RALGAPA1: variants seen among roughly 807,000 people sequenced by gnomAD.
The protein encoded by RALGAPA1 is ral GTPase-activating protein subunit alpha-1.
Under a neutral mutation model 269.6 loss-of-function variants are expected in RALGAPA1, and 52 were observed. That is an observed-to-expected ratio of 0.19 (90% CI 0.15 to 0.24). The LOEUF (loss-of-function observed/expected upper bound fraction) is 0.24. Among genes scored for constraint, RALGAPA1 ranks in the 10% least tolerant of loss-of-function variants. The probability of loss-of-function intolerance (pLI) is 1.00; values close to 1 mark genes in which losing one functional copy is unlikely to be tolerated. For synonymous variants in RALGAPA1, 817 were observed against 1,008.3 expected, an observed-to-expected ratio of 0.81 and a Z score of 3.60; for missense variants, 1,917 against 3,013.9, an observed-to-expected ratio of 0.64 and a Z score of 8.52.
chr14:35,744,487 T>C (rs2071865426), intron 10 of RALGAPA1, among the ~76,000 whole-genome samples: 1 of 152,136 alleles, frequency 6.6e-6, no homozygotes, highest in African/African-American at 2.4e-5. Context: ...CTTTCTATTA[T>C]AGAGTTATCA....
At chr14:35,637,827 GA>G (rs1380324604) in intron 31 of RALGAPA1, among the ~76,000 whole-genome samples, 2 of 151,998 alleles carry the variant, frequency 1.3e-5, no homozygotes, top group African/African-American at 4.8e-5. Context: ...CAAGATAAAA[GA>G]AACAAATAAC....
chr14:35,586,010 G>T (rs961130159), intron 37 of RALGAPA1, among the ~76,000 whole-genome samples: 22 of 152,160 alleles, frequency 1.4e-4, no homozygotes, highest in Non-Finnish European at 2.6e-4. Flanking sequence ...TAGCTTGATG[G>T]GGATGGCATT....
chr14:35,768,308 T>C (rs967906151), intron 4 of RALGAPA1, among the ~76,000 whole-genome samples: 2 of 152,220 alleles, frequency 1.3e-5, no homozygotes, highest in Admixed American at 6.5e-5. Context: ...CTCAAACTCC[T>C]GGCCTCAAGT....
chr14:35,698,760 GA>G (rs1382300967), intron 17 of RALGAPA1, among the ~76,000 whole-genome samples: 1 of 152,064 alleles, frequency 6.6e-6, no homozygotes, highest in Non-Finnish European at 1.5e-5. Context: ...TCAGTTTTAA[GA>G]ACAGAAACAT....
At chr14:35,543,675 C>G (rs2054209461) in intron 41 of RALGAPA1, among the ~76,000 whole-genome samples, 1 of 152,178 alleles carries the variant, frequency 6.6e-6, no homozygotes, top group African/African-American at 2.4e-5. Flanking sequence ...GGGAGTCTCA[C>G]TCTGTTACCC....
intron 36 of RALGAPA1, among the ~76,000 whole-genome samples, chr14:35,600,193 G>A (rs1186624466): frequency 7.2e-6 from 1 of 139,564 alleles, no homozygotes; most frequent in Non-Finnish European, 1.6e-5. Context: ...ATTATTTTTA[G>A]GTTTCTTTTC....
chr14:35,650,633 A>G (rs1036836826), intron 31 of RALGAPA1, among the ~76,000 whole-genome samples: 1 of 152,188 alleles, frequency 6.6e-6, no homozygotes. Flanking sequence ...CACACAAGAA[A>G]ATAACTGGGA....
At chr14:35,695,019 G>A (rs1490216456) in intron 17 of RALGAPA1, among the ~76,000 whole-genome samples, 1 of 152,150 alleles carries the variant, frequency 6.6e-6, no homozygotes, top group Non-Finnish European at 1.5e-5. Context: ...AGTGGAGGTT[G>A]CAGTGAGCCA....
At chr14:35,570,890 T>TTCTGTGATGTA (rs1213171135) in intron 38 of RALGAPA1, 146 bp from the exon 39 acceptor site, 20 of 743,522 alleles carry the variant, frequency 2.7e-5, no homozygotes, top group Non-Finnish European at 4.2e-5. Flanking sequence ...TTCAATTCTT[T>TTCTGTGATGTA]TCTGTGATGG....
At chr14:35,602,385 C>T (rs1221617094) in intron 36 of RALGAPA1, among the ~76,000 whole-genome samples, 2 of 152,162 alleles carry the variant, frequency 1.3e-5, no homozygotes, top group Non-Finnish European at 2.9e-5. Flanking sequence ...GTTTGATGAA[C>T]TGCCAGAATG....
chr14:35,591,089 G>T (rs574972665), intron 37 of RALGAPA1, among the ~76,000 whole-genome samples: 2 of 152,286 alleles, frequency 1.3e-5, no homozygotes, highest in East Asian at 1.9e-4. Context: ...TATCTCTGTA[G>T]CTACAATGAC....
chr14:35,572,829 G>A, intron 37 of RALGAPA1, 111 bp from the exon 38 acceptor site: 1 of 701,022 alleles, frequency 1.4e-6, no homozygotes, highest in Non-Finnish European at 2.2e-6. Flanking sequence ...TTGTTAAATT[G>A]CACTTGATCA....
intron 4 of RALGAPA1, among the ~76,000 whole-genome samples, chr14:35,769,035 A>AATATATAT (rs200538547): frequency 1.0e-4 from 6 of 58,308 alleles, no homozygotes; most frequent in African/African-American, 3.5e-4. Flanking sequence ...AAAAAAAAAA[A>AATATATAT]ATATATATAT....
Position 35,539,622 on chromosome 14 carries a change from A to G in RALGAPA1, c.*92T>C, listed in dbSNP as rs773282922. The G allele has an allele frequency of 1.9e-6, 3 of 1,614,094 alleles. No individual in the cohort carries two copies. Among genetic ancestry groups the G allele is most frequent in the Middle Eastern group, 1.7e-4 (1 of 6,042 alleles). On this transcript the variant is annotated 3_prime_UTR_variant, in exon 42 of 42. Coordinates refer to ENST00000680220, the MANE Select transcript of RALGAPA1 (RefSeq NM_001346249.2). ...TTGCTAGTTCGAGGAGACATTGGAG[A>G]GGCCAGGTCAGCCCCATCTACCTGC...
At chr14:35,602,616 G>A (rs552266083) in intron 36 of RALGAPA1, among the ~76,000 whole-genome samples, 12 of 152,072 alleles carry the variant, frequency 7.9e-5, no homozygotes, top group African/African-American at 1.4e-4. Flanking sequence ...CTTTTCTGGC[G>A]AAATGTCTAT....
At chr14:35,753,507 G>A (rs962425789) in intron 7 of RALGAPA1, among the ~76,000 whole-genome samples, 15 of 152,008 alleles carry the variant, frequency 9.9e-5, no homozygotes, top group African/African-American at 1.7e-4. Context: ...ATTATTCACC[G>A]CAATAAAAAT....
chr14:35,566,869 ATATATATATATATATTTGTAC>A (rs1234692164), intron 39 of RALGAPA1, among the ~76,000 whole-genome samples: 6 of 125,332 alleles, frequency 4.8e-5, no homozygotes, highest in Admixed American at 3.1e-4. Flanking sequence ...TTTGTACATT[ATATATATATATATATTTGTAC>A]TATATATATA....
intron 26 of RALGAPA1, among the ~76,000 whole-genome samples, chr14:35,666,427 G>A (rs898289344): frequency 1.3e-5 from 2 of 152,142 alleles, no homozygotes; most frequent in Non-Finnish European, 2.9e-5. Context: ...GTTTCACCAT[G>A]TTGGCCAGGC....
rs140610406 is a variant in RALGAPA1, at chr14:35,553,417, AACTTTATT to A, written c.7497-4191_7497-4184del. Among the ~76,000 whole-genome samples the A allele has an allele frequency of 1.2e-4, 19 of 152,360 alleles. No homozygotes were observed. In the East Asian group the frequency reaches 3.7e-3, roughly 29 times the overall value. On this transcript the variant is annotated intron_variant, in intron 39 of 41. Transcript: ENST00000680220. ...AAGGTTATGCAGTATCAAGTATTTC[AACTTTATT>A]AACACATAAAAGAATAGATAAAGGT... is the stretch of plus-strand genomic sequence containing the variant.
Sources: allele counts gnomAD v4.1 joint callset (sites outside exome capture counted in the v4.1 genomes callset), GRCh38; gene constraint gnomAD v4.1.1; transcripts MANE v1.5; gene names NCBI Gene and HGNC (gene_info 2026-07-23, HGNC 2026-07-21).